DLGAP2: variants seen among roughly 807,000 people sequenced by gnomAD.
DLGAP2 encodes the protein DLG associated protein 2.
DLGAP2 carries 26 observed loss-of-function variants against 100.3 expected under a neutral mutation model. The observed-to-expected ratio is 0.26, with a 90% confidence interval of 0.19 to 0.36. The LOEUF is 0.36. DLGAP2 is among the 10% of genes least tolerant of loss of function. The pLI is 1.00. For synonymous variants in DLGAP2, 886 were observed against 630.1 expected, an observed-to-expected ratio of 1.41 and a Z score of -6.08; for missense variants, 1,858 against 1,453.2, an observed-to-expected ratio of 1.28 and a Z score of -4.53.
intron 6 of DLGAP2, chr8:1,604,885 A>T (rs1442467689): frequency 6.6e-6 from 1 of 152,216 alleles, no homozygotes; most frequent in East Asian, 1.9e-4. Flanking sequence ...CTTCTCTGTG[A>T]TAGGCCAGCC....
At chr8:805,696 G>T (rs954399139) in intron 1 of DLGAP2, among the ~76,000 whole-genome samples, 1 of 152,126 alleles carries the variant, frequency 6.6e-6, no homozygotes, top group African/African-American at 2.4e-5. Flanking sequence ...CGCCTCCCAG[G>T]CTGAAGCAAT....
intron 1 of DLGAP2, among the ~76,000 whole-genome samples, chr8:850,070 A>C (rs1797156905): frequency 6.6e-6 from 1 of 151,788 alleles, no homozygotes; most frequent in Non-Finnish European, 1.5e-5. Context: ...AAAAAAAAAA[A>C]AAAAAAAACT....
intron 3 of DLGAP2, among the ~76,000 whole-genome samples, chr8:1,271,190 T>C (rs1284258335): frequency 6.6e-6 from 1 of 152,066 alleles, no homozygotes; most frequent in Non-Finnish European, 1.5e-5. Flanking sequence ...GAAAATAACA[T>C]GAATTGGGAG....
intron 1 of DLGAP2, among the ~76,000 whole-genome samples, chr8:897,036 C>G (rs1015573676): frequency 6.6e-6 from 1 of 152,080 alleles, no homozygotes; most frequent in Admixed American, 6.6e-5. Context: ...GAGTCAGTGG[C>G]GCAAGGGAGA....
At chr8:1,637,106 G>C (rs2130787228) in intron 8 of DLGAP2, among the ~76,000 whole-genome samples, 1 of 152,288 alleles carries the variant, frequency 6.6e-6, no homozygotes, top group East Asian at 1.9e-4. Context: ...TGCTTGCTCG[G>C]GGACCAGGTG....
chr8:855,802 C>T (rs1797266142), intron 1 of DLGAP2, among the ~76,000 whole-genome samples: 1 of 152,102 alleles, frequency 6.6e-6, no homozygotes, highest in Admixed American at 6.5e-5. Context: ...AAGAGAAGTC[C>T]TGTGGTCATA....
chr8:1,502,576 G>C lies in DLGAP2; in HGVS notation c.172+1145G>C, dbSNP rs140872507. On this transcript the variant is annotated intron_variant, in intron 4 of 14. Coordinates refer to ENST00000637795, the MANE Select transcript of DLGAP2 (RefSeq NM_001346810.2). ...CCTTTCTTCACTCGGAAATAGACGA[G>C]TGAAAGTATTTCGACTTCTCATTAG... 2.0e-4 allele frequency among the ~76,000 whole-genome samples: 31 copies of C among 152,350 alleles called. No individual in the cohort carries two copies. The East Asian group carries it at 5.6e-3, about 27-fold the overall frequency.
At chr8:1,259,191 C>T (rs1208340590) in intron 3 of DLGAP2, among the ~76,000 whole-genome samples, 1 of 152,210 alleles carries the variant, frequency 6.6e-6, no homozygotes, top group East Asian at 1.9e-4. Flanking sequence ...CTGATACAGG[C>T]TTGTTGGCTT....
Position 1,697,198 on chromosome 8 carries a change from G to C in DLGAP2, c.2848G>C (p.Asp950His). The change falls in exon 14 of 15, where the codon GAC becomes CAC. Residue 950 changes from aspartate (D) to histidine (H), a missense_variant. Asp to His is a moderately conservative substitution (Grantham distance 81). Coordinates refer to ENST00000637795, the MANE Select transcript of DLGAP2 (RefSeq NM_001346810.2). ...GTCGCAGGACCTGGCCGGCTACTGG[G>C]ACATGCTGCAGCTCTCCATTGAGGA... ...PTSQDLAGYW[D>H]MLQLSIEDVS... 6.2e-7 allele frequency: 1 copy of C among 1,609,892 alleles called. No homozygotes were observed. Among genetic ancestry groups the C allele is most frequent in the Non-Finnish European group, 8.5e-7 (1 of 1,177,534 alleles).
rs556859405 is a variant in DLGAP2, at chr8:1,317,618, C to G, written c.106+58735C>G. ...CAGGCTGTGCGAGTGCAGCGTCTCT[C>G]CAACAGTGGTCTACACTCGAGACAC... On this transcript the variant is annotated intron_variant, in intron 3 of 14. Coordinates refer to ENST00000637795, the MANE Select transcript of DLGAP2 (RefSeq NM_001346810.2). 3.7e-3 allele frequency among the ~76,000 whole-genome samples: 526 copies of G among 143,330 alleles called. 24 individuals are homozygous for G. The highest frequency in any genetic ancestry group is 0.014 in the African/African-American group (501 of 36,570). 94.0% of individuals were successfully genotyped at this position (143,330 alleles called of 152,430 possible).
intron 3 of DLGAP2, among the ~76,000 whole-genome samples, chr8:1,417,052 TC>T (rs1426567255): frequency 1.6e-5 from 1 of 61,740 alleles, no homozygotes; most frequent in African/African-American, 9.3e-5. Flanking sequence ...CCCCACACTG[TC>T]CCCGGCGGGT....
chr8:1,030,147 C>G (rs1801932995), intron 2 of DLGAP2, among the ~76,000 whole-genome samples: 1 of 152,220 alleles, frequency 6.6e-6, no homozygotes, highest in African/African-American at 2.4e-5. Flanking sequence ...CTAGTTCCTC[C>G]TCCTCTTACA....
chr8:946,819 G>GA (rs1799337875), intron 2 of DLGAP2, among the ~76,000 whole-genome samples: 1 of 152,194 alleles, frequency 6.6e-6, no homozygotes. Context: ...ATTACACACA[G>GA]ATAGAAACAG....
chr8:1,048,386 C>G (rs989329045), intron 2 of DLGAP2, among the ~76,000 whole-genome samples: 3 of 152,012 alleles, frequency 2.0e-5, no homozygotes, highest in Non-Finnish European at 1.5e-5. Flanking sequence ...GTTATTAGGG[C>G]CTCTCCTGGT....
chr8:1,188,874 C>A (rs998549322), intron 2 of DLGAP2, among the ~76,000 whole-genome samples: 3 of 152,230 alleles, frequency 2.0e-5, no homozygotes, highest in African/African-American at 7.2e-5. Context: ...TAAAAAAGCA[C>A]CTCCAAATAT....
intron 3 of DLGAP2, among the ~76,000 whole-genome samples, chr8:1,417,688 CA>C (rs145936673): frequency 1.3e-4 from 18 of 143,762 alleles, no homozygotes; most frequent in East Asian, 4.0e-4. Flanking sequence ...CAGGGGGGCA[CA>C]GGGGGCCCCA....
chr8:1,414,209 A>G (rs1165308928), intron 3 of DLGAP2, among the ~76,000 whole-genome samples: 1 of 152,208 alleles, frequency 6.6e-6, no homozygotes, highest in Non-Finnish European at 1.5e-5. Flanking sequence ...AATCTGAGAA[A>G]GTGCTAAAGC....
At chr8:1,664,813 C>A (rs1233874238) in intron 8 of DLGAP2, among the ~76,000 whole-genome samples, 1 of 152,224 alleles carries the variant, frequency 6.6e-6, no homozygotes, top group Non-Finnish European at 1.5e-5. Flanking sequence ...CAGCTAATTG[C>A]TTCAAACCAC....
chr8:1,474,235 G>A (rs11995850), intron 3 of DLGAP2, among the ~76,000 whole-genome samples: 1,883 of 152,244 alleles, frequency 0.012, 44 homozygotes, highest in African/African-American at 0.043. Flanking sequence ...TGGCTGATTT[G>A]TATTCCATGG....
Sources: allele counts gnomAD v4.1 joint callset (sites outside exome capture counted in the v4.1 genomes callset), GRCh38; gene constraint gnomAD v4.1.1; transcripts MANE v1.5; gene names NCBI Gene and HGNC (gene_info 2026-07-23, HGNC 2026-07-21).